The following KANSL1L variants were observed in gnomAD, a reference collection of about 807,000 sequenced individuals.
KANSL1L encodes KAT8 regulatory NSL complex subunit 1-like protein.
In KANSL1L, 25 loss-of-function variants were observed where a neutral mutation model predicts 108.6. That is an observed-to-expected ratio of 0.23 (90% CI 0.17 to 0.32). The LOEUF is 0.32. KANSL1L is among the 10% of genes least tolerant of loss of function. The pLI, the probability that KANSL1L is intolerant of heterozygous loss-of-function variation, is 1.00. For missense variants in KANSL1L, 1,137 were observed against 1,125.7 expected (o/e 1.01, Z -0.14); for synonymous variants, 405 against 395.1 (o/e 1.03, Z -0.30).
chr2:210,079,313 C>T (rs1034081144), intron 5 of KANSL1L, among the ~76,000 whole-genome samples: 16 of 151,708 alleles, frequency 1.1e-4, no homozygotes, highest in Admixed American at 2.0e-4. Context: ...ATATAATTAT[C>T]GGCTGGGCGC....
At chr2:210,127,159 T>C (rs563919277) in intron 3 of KANSL1L, among the ~76,000 whole-genome samples, 2 of 152,294 alleles carry the variant, frequency 1.3e-5, no homozygotes, top group East Asian at 1.9e-4. Context: ...CTAACATATA[T>C]GGTCAAATGT....
chr2:210,026,645 TTTAAAC>T (rs750467805), intron 12 of KANSL1L, among the ~76,000 whole-genome samples: 4 of 152,208 alleles, frequency 2.6e-5, no homozygotes, highest in Non-Finnish European at 5.9e-5. Context: ...GAAAATGGCA[TTTAAAC>T]TTAAATAATG....
chr2:210,054,042 C>T (rs1251007662), intron 6 of KANSL1L, among the ~76,000 whole-genome samples: 5 of 151,996 alleles, frequency 3.3e-5, no homozygotes, highest in Non-Finnish European at 4.4e-5. Flanking sequence ...GACGGCCGGG[C>T]ATGGTGGCTC....
chr2:210,153,751 G>C lies in KANSL1L; in HGVS notation c.832C>G (p.Pro278Ala). ...QLPKMKTFHE[P>A]TTILGNSLPK... ...AAACTATTACCCAAAATTGTGGTAG[G>C]TTCATGAAATGTCTTCATTTTGGGG... Residue 278 changes from proline to alanine, a missense_variant, in exon 2 of 15, where the codon CCT becomes GCT. This residue lies in a region of KANSL1L where 556 missense variants were observed against 537.7 expected (regional missense o/e 1.03). Coordinates refer to ENST00000281772, the MANE Select transcript of KANSL1L (RefSeq NM_152519.4). 2 of 1,610,560 alleles carry C rather than the reference G, an allele frequency of 1.2e-6. No individual in the cohort carries two copies. The highest frequency in any genetic ancestry group is 2.2e-5 in the South Asian group (2 of 90,268).
intron 6 of KANSL1L, 27 bp downstream of exon 6, chr2:210,075,525 A>C: frequency 1.4e-6 from 2 of 1,467,028 alleles, no homozygotes; most frequent in Non-Finnish European, 1.9e-6. Flanking sequence ...ATCTTTGATC[A>C]TGTTTTCTTC....
chr2:210,040,468 G>C lies in KANSL1L; in HGVS notation c.1981C>G (p.Leu661Val). The C allele has an allele frequency of 6.4e-7, 1 of 1,570,234 alleles. No individual in the cohort carries two copies. Among genetic ancestry groups the C allele is most frequent in the South Asian group, 1.1e-5 (1 of 88,082 alleles). The change falls in exon 8 of 15, where the codon CTT becomes GTT. Residue 661 changes from leucine (L) to valine (V), a missense_variant. Transcript: ENST00000281772. ...TCATCTACAAATTTATTTTCAGCAA[G>C]ATTGCCTTTTATTTCAGTCTTTTTT... ...LLKKTEIKGN[L>V]AENKFVDEYI...
intron 3 of KANSL1L, among the ~76,000 whole-genome samples, chr2:210,114,510 C>A (rs2094936328): frequency 6.6e-6 from 1 of 151,944 alleles, no homozygotes; most frequent in Non-Finnish European, 1.5e-5. Context: ...TAACTTAAAG[C>A]TGTATGATGA....
intron 6 of KANSL1L, among the ~76,000 whole-genome samples, chr2:210,049,461 G>C (rs942291555): frequency 5.9e-5 from 9 of 151,954 alleles, no homozygotes; most frequent in Non-Finnish European, 1.2e-4. Flanking sequence ...ACTGGAGTCA[G>C]AAGTGCAGAA....
intron 5 of KANSL1L, among the ~76,000 whole-genome samples, chr2:210,087,993 A>C (rs1314970814): frequency 1.3e-5 from 2 of 152,106 alleles, no homozygotes; most frequent in Non-Finnish European, 2.9e-5. Flanking sequence ...TTTCACAACT[A>C]GACTTTATAT....
intron 3 of KANSL1L, among the ~76,000 whole-genome samples, chr2:210,116,281 G>T (rs1479059427): frequency 6.6e-6 from 1 of 152,168 alleles, no homozygotes; most frequent in East Asian, 1.9e-4. Context: ...GCACCAGGTG[G>T]AGTCCCAAGA....
At chr2:210,063,417 T>C (rs1389093873) in intron 6 of KANSL1L, among the ~76,000 whole-genome samples, 1 of 152,228 alleles carries the variant, frequency 6.6e-6, no homozygotes, top group Non-Finnish European at 1.5e-5. Context: ...AAGAGGGTCA[T>C]TGTCCTTCAG....
chr2:210,076,570 C>G (rs1111193), intron 5 of KANSL1L, among the ~76,000 whole-genome samples: 149,547 of 152,202 alleles, frequency 0.98, 73,529 homozygotes, highest in Middle Eastern at 1. Flanking sequence ...TACATTTTAG[C>G]ATTTTTTAAA....
Position 210,084,618 on chromosome 2 carries a change from T to C in KANSL1L, c.1551-8862A>G, listed in dbSNP as rs565920896. ...AGCAATATAGTGATTTCTTTTTTTT[T>C]TCTCTCTCTTTTTTGAGACACAGTC... is the stretch of plus-strand genomic sequence containing the variant. On this transcript the variant is annotated intron_variant, in intron 5 of 14. Coordinates refer to ENST00000281772, the MANE Select transcript of KANSL1L (RefSeq NM_152519.4). Among the ~76,000 whole-genome samples, 187 of 152,244 alleles carry C rather than the reference T, an allele frequency of 1.2e-3. 1 individual carries two copies. Among genetic ancestry groups the C allele is most frequent in the Non-Finnish European group, 2.0e-3 (138 of 68,016 alleles).
chr2:210,029,422 C>T (rs1227471329), intron 10 of KANSL1L, among the ~76,000 whole-genome samples: 1 of 152,020 alleles, frequency 6.6e-6, no homozygotes, highest in Admixed American at 6.6e-5. Flanking sequence ...ACCCTCCCAC[C>T]TTTTGACCTC....
At chr2:210,086,100 T>G (rs1242352990) in intron 5 of KANSL1L, among the ~76,000 whole-genome samples, 1 of 151,844 alleles carries the variant, frequency 6.6e-6, no homozygotes, top group East Asian at 1.9e-4. Context: ...CTAACTGCAG[T>G]TTTTCAATTA....
rs1224127301 is a variant in KANSL1L at position 210,022,543 on chromosome 2, G to A, written c.*406C>T. ...TTGTATATTCTAATATATTACTAAG[G>A]CAATTTTAATGAATTACCATGTATA... On this transcript the variant is annotated 3_prime_UTR_variant, in exon 15 of 15. Coordinates refer to ENST00000281772, the MANE Select transcript of KANSL1L (RefSeq NM_152519.4). 1 of 172,398 alleles carries A rather than the reference G, an allele frequency of 5.8e-6. No individual in the cohort carries two copies. Among genetic ancestry groups the A allele is most frequent in the African/African-American group, 2.4e-5 (1 of 41,462 alleles). The allele number at this position is 172,398 out of a possible 1,614,324, so 10.7% of individuals were successfully genotyped here.
chr2:210,046,926 C>T (rs1431126775), intron 6 of KANSL1L, among the ~76,000 whole-genome samples: 1 of 152,134 alleles, frequency 6.6e-6, no homozygotes, highest in African/African-American at 2.4e-5. Flanking sequence ...TTTAGAGAAG[C>T]CAGTGGTGGG....
intron 4 of KANSL1L, among the ~76,000 whole-genome samples, chr2:210,100,950 A>G (rs2094788372): frequency 6.6e-6 from 1 of 152,194 alleles, no homozygotes. Flanking sequence ...CAAGTATTTA[A>G]AAACAACTTA....
At chr2:210,168,775 G>C (rs1451823649) in intron 1 of KANSL1L, among the ~76,000 whole-genome samples, 2 of 152,018 alleles carry the variant, frequency 1.3e-5, no homozygotes, top group Non-Finnish European at 2.9e-5. Context: ...AACAATAATA[G>C]TATATTACTA....
Sources: gnomAD v4.1 joint callset for allele counts (sites outside exome capture counted in the v4.1 genomes callset) on GRCh38, gnomAD v4.1.1 for gene constraint, gnomAD v4.1.1 regional missense constraint, MANE v1.5 for transcripts, NCBI Gene and HGNC (gene_info 2026-07-23, HGNC 2026-07-21) for gene names.